Variants in PLCH2 observed in about 807,000 individuals in gnomAD.
PLCH2 encodes 1-phosphatidylinositol 4,5-bisphosphate phosphodiesterase eta-2.
A neutral mutation model predicts 134.7 loss-of-function variants in PLCH2; 98 were observed. That is an observed-to-expected ratio of 0.73 (90% CI 0.62 to 0.86). The LOEUF is 0.86. Ranked by LOEUF, PLCH2 falls within the 40% of genes least tolerant of loss-of-function variation. PLCH2 has a pLI of 0.00. For synonymous variants in PLCH2, 974 were observed against 827.5 expected (o/e 1.18, Z -3.04); for missense variants, 1,994 against 1,986.6 (o/e 1.00, Z -0.07).
rs922776933 is a variant in PLCH2, at chr1:2,478,133, G to A, written c.125-343G>A. Among the ~76,000 whole-genome samples, 7 of 152,348 alleles carry A rather than the reference G, an allele frequency of 4.6e-5. No homozygotes were observed. The South Asian group carries it at 1.4e-3, about 32-fold the overall frequency. On this transcript the variant is annotated intron_variant, in intron 1 of 21. Transcript: ENST00000378486. ...AGGCCCAGCGCCGGTTACCAGGGCTGCTAGGACTGGTCCAGGAGGTGGTGG... is the reference window on the plus strand; with the variant it reads ...AGGCCCAGCGCCGGTTACCAGGGCTACTAGGACTGGTCCAGGAGGTGGTGG...
At chr1:2,424,797 C>T (rs898104502), upstream of PLCH2, among the ~76,000 whole-genome samples, 1 of 152,134 alleles carries the variant, frequency 6.6e-6, no homozygotes, top group Non-Finnish European at 1.5e-5. Flanking sequence ...ACCATCCTGG[C>T]TAACACAGTG....
At chr1:2,502,710 G>A (rs1643302598) in intron 21 of PLCH2, 1 of 713,402 alleles carries the variant, frequency 1.4e-6, no homozygotes, top group Non-Finnish European at 2.6e-6. Flanking sequence ...AAGGGTCCTG[G>A]GGCCTGGAGG....
upstream of PLCH2, among the ~76,000 whole-genome samples, chr1:2,472,682 T>G (rs920373898): frequency 2.0e-5 from 3 of 151,936 alleles, no homozygotes; most frequent in African/African-American, 4.8e-5. Context: ...GAGACACGGG[T>G]GGGCCCAGGG....
chr1:2,500,216 G>T (rs370248581), intron 20 of PLCH2: 1 of 169,990 alleles, frequency 5.9e-6, no homozygotes, highest in South Asian at 1.5e-4. Context: ...CTCGGCTTCC[G>T]CAGGAAGTGG....
At chr1:2,421,134 G>A (rs1226207220), upstream of PLCH2, among the ~76,000 whole-genome samples, 1 of 152,018 alleles carries the variant, frequency 6.6e-6, no homozygotes, top group Non-Finnish European at 1.5e-5. Context: ...TAGTAGAGAC[G>A]GAATTTCACC....
chr1:2,502,598 G>A (rs1419921594), intron 21 of PLCH2, 189 bp downstream of exon 21: 2 of 719,268 alleles, frequency 2.8e-6, no homozygotes, highest in South Asian at 1.5e-5. Context: ...AAGCAGGCAG[G>A]CAGCCATTCG....
Position 2,498,433 on chromosome 1 carries a change from C to T in PLCH2, c.2225-90C>T. On this transcript the variant is annotated intron_variant, in intron 16 of 21. Coordinates refer to ENST00000378486, the MANE Select transcript of PLCH2 (RefSeq NM_014638.4). This position sits in a 1 kb window ranked among gnomAD's most constrained non-coding sequence, Gnocchi z 5.4. ...CCGGCTCCAGTCTCCTATGTGGGGG[C>T]TGGGGAGGGGGCTGTTGGCAGCCAT... 1 of 1,448,414 alleles carries T rather than the reference C, an allele frequency of 6.9e-7. No homozygotes were observed. The highest frequency in any genetic ancestry group is 9.3e-7 in the Non-Finnish European group (1 of 1,071,004). 89.7% of individuals were successfully genotyped at this position (1,448,414 alleles called of 1,614,324 possible). A position where few individuals can be genotyped will look rare whatever the true frequency, so the allele number is the denominator to read the frequency against.
At chr1:2,455,150 T>C (rs1335533825) in intron 2 of PLCH2, among the ~76,000 whole-genome samples, 1 of 152,226 alleles carries the variant, frequency 6.6e-6, no homozygotes, top group Non-Finnish European at 1.5e-5. Flanking sequence ...GACCATGCTC[T>C]TTTCTGAGAT....
upstream of PLCH2, among the ~76,000 whole-genome samples, chr1:2,425,691 T>G (rs1570188031): frequency 2.0e-5 from 2 of 101,052 alleles, no homozygotes; most frequent in Non-Finnish European, 4.9e-5. Flanking sequence ...TTTTGGTGTG[T>G]TTTTTTTTTT....
chr1:2,440,004 C>CTGGGT (rs1639615437), intron 2 of PLCH2, among the ~76,000 whole-genome samples: 1 of 152,052 alleles, frequency 6.6e-6, no homozygotes, highest in African/African-American at 2.4e-5. Flanking sequence ...ACCTTGGAAA[C>CTGGGT]CAGGCAGGGG....
chr1:2,426,156 T>C (rs551281575), intron 1 of PLCH2: 2 of 152,334 alleles, frequency 1.3e-5, no homozygotes, highest in East Asian at 3.9e-4. Context: ...AGGCCCAGGG[T>C]GTCACCCATC....
chr1:2,502,020 C>A (rs1643252187), intron 20 of PLCH2, 92 bp from the exon 21 acceptor site: 1 of 1,198,302 alleles, frequency 8.3e-7, no homozygotes, highest in Non-Finnish European at 1.1e-6. Context: ...CATGGCACGT[C>A]TGTGGCACGG....
chr1:2,479,628 G>T, intron 2 of PLCH2, 106 bp from the exon 3 acceptor site: 2 of 1,232,156 alleles, frequency 1.6e-6, no homozygotes, highest in Non-Finnish European at 2.2e-6. Flanking sequence ...TCCCGCAAAG[G>T]TGGGCAAGGA....
At chr1:2,460,401 C>T (rs2100586184) in intron 2 of PLCH2, among the ~76,000 whole-genome samples, 1 of 152,330 alleles carries the variant, frequency 6.6e-6, no homozygotes, top group South Asian at 2.1e-4. Context: ...TAAACCCCGG[C>T]TGATGGCTAG....
upstream of PLCH2, among the ~76,000 whole-genome samples, chr1:2,466,581 C>T (rs1271876500): frequency 6.6e-6 from 1 of 152,238 alleles, no homozygotes; most frequent in Non-Finnish European, 1.5e-5. Flanking sequence ...CCTGCCCGGG[C>T]CTGCGTGCCT....
At chr1:2,423,369 T>C (rs1456741377), upstream of PLCH2, among the ~76,000 whole-genome samples, 1 of 151,934 alleles carries the variant, frequency 6.6e-6, no homozygotes, top group African/African-American at 2.4e-5. Context: ...TTTAAAGAGA[T>C]GGGATCTTGC....
Position 2,503,608 on chromosome 1 carries a change from C to T in PLCH2, c.2960-314C>T. The T allele has an allele frequency of 5.7e-6, 4 of 695,690 alleles. No individual in the cohort carries two copies. In the East Asian group the frequency reaches 1.1e-4, roughly 19 times the overall value. 43.1% of individuals were successfully genotyped at this position (695,690 alleles called of 1,614,324 possible). A position where few individuals can be genotyped will look rare whatever the true frequency, so the allele number is the denominator to read the frequency against. The stretch of plus-strand genomic sequence containing the variant: ...TTCCTTTCTGCCCCCACCCACGCTG[C>T]CTCCGTAGTTAGGAACTGAGAGCGG... On this transcript the variant is annotated intron_variant, in intron 21 of 21. Transcript: ENST00000378486.
chr1:2,499,466 A>G (rs566310807), intron 19 of PLCH2, among the ~76,000 whole-genome samples, 175 bp from the exon 20 acceptor site: 21 of 151,798 alleles, frequency 1.4e-4, no homozygotes, highest in Admixed American at 2.6e-4. Context: ...TGCAATGCCA[A>G]TGGGCTTCCT....
At chr1:2,497,385 G>A (rs1471848388) in intron 15 of PLCH2, 117 bp from the exon 16 acceptor site, 1 of 711,744 alleles carries the variant, frequency 1.4e-6, no homozygotes, top group Non-Finnish European at 2.5e-6. Flanking sequence ...TGAACGAGGG[G>A]CAGACGGCAG....
Sources: allele counts gnomAD v4.1 joint callset (sites outside exome capture counted in the v4.1 genomes callset), GRCh38; gene constraint gnomAD v4.1.1; non-coding constraint Gnocchi (gnomAD v3.1); transcripts MANE v1.5; gene names NCBI Gene and HGNC (gene_info 2026-07-23, HGNC 2026-07-21).